Variants in DOCK1 observed in about 807,000 individuals in gnomAD.
DOCK1 encodes the protein dedicator of cytokinesis 1, also known as dedicator of cytokinesis protein 1.
A neutral mutation model predicts 262.7 loss-of-function variants in DOCK1; 138 were observed. The observed-to-expected ratio is 0.53, with a 90% CI of 0.46 to 0.61. DOCK1 has a LOEUF of 0.61. DOCK1 is among the 20% of genes least tolerant of loss of function. The probability of loss-of-function intolerance (pLI) is 0.00; values close to 1 mark genes in which losing one functional copy is unlikely to be tolerated. For synonymous variants in DOCK1, 866 were observed against 867.4 expected, an observed-to-expected ratio of 1.00 and a Z score of 0.03; for missense variants, 1,908 against 2,370.7, an observed-to-expected ratio of 0.80 and a Z score of 4.05.
At chr10:127,351,496 G>A (rs547424517) in intron 31 of DOCK1, among the ~76,000 whole-genome samples, 4 of 152,292 alleles carry the variant, frequency 2.6e-5, no homozygotes, top group Middle Eastern at 3.4e-3. Context: ...CTGGGGGTGC[G>A]TGCTGTGGGT....
At chr10:126,969,345 G>A (rs1461477502) in intron 1 of DOCK1, among the ~76,000 whole-genome samples, 1 of 152,198 alleles carries the variant, frequency 6.6e-6, no homozygotes, top group Non-Finnish European at 1.5e-5. Context: ...GAGGCTGCGT[G>A]CGCCTGAAAT....
At chr10:127,404,768 G>T (rs2067421964) in intron 40 of DOCK1, among the ~76,000 whole-genome samples, 2 of 152,096 alleles carry the variant, frequency 1.3e-5, no homozygotes, top group Non-Finnish European at 2.9e-5. Context: ...TCACGTTGTT[G>T]TGCGGCCAGC....
chr10:126,927,559 C>G (rs1338959275), intron 1 of DOCK1, among the ~76,000 whole-genome samples: 2 of 152,230 alleles, frequency 1.3e-5, no homozygotes, highest in East Asian at 3.9e-4. Context: ...GCCTCAGCCT[C>G]CCGAGTAGCT....
chr10:126,977,526 T>G (rs1291842689), intron 2 of DOCK1, among the ~76,000 whole-genome samples: 1 of 152,150 alleles, frequency 6.6e-6, no homozygotes, highest in Non-Finnish European at 1.5e-5. Context: ...TTTTCTGTTT[T>G]GGGGCAGCGA....
In DOCK1 at chr10:127,437,866, A is replaced by G. The variant is rs2069804269; in HGVS notation, c.5061-1161A>G. ...GTAAAAGAAACTAGAGCTAGGATGA[A>G]AATATGACTGGCTGGCTAAATTATC... On this transcript the variant is annotated intron_variant, in intron 48 of 51. Transcript: ENST00000623213. The surrounding 1 kb of genome is among the most constrained non-coding windows in gnomAD (Gnocchi z 4.4). Among the ~76,000 whole-genome samples, 1 of 152,216 alleles carries G rather than the reference A, an allele frequency of 6.6e-6. No homozygotes were observed. The highest frequency in any genetic ancestry group is 6.5e-5 in the Admixed American group (1 of 15,282).
At chr10:127,040,197 C>A (rs752142955) in intron 19 of DOCK1, among the ~76,000 whole-genome samples, 1 of 152,198 alleles carries the variant, frequency 6.6e-6, no homozygotes, top group Non-Finnish European at 1.5e-5. Flanking sequence ...TTTTGACCTT[C>A]GCAAAGAATC....
At chr10:126,972,710 CCT>C (rs1417181442) in intron 2 of DOCK1, among the ~76,000 whole-genome samples, 1 of 151,964 alleles carries the variant, frequency 6.6e-6, no homozygotes, top group Non-Finnish European at 1.5e-5. Context: ...CTGGTAGACT[CCT>C]CTGAGAAACA....
rs2049898359 is a variant in DOCK1, at chr10:127,125,586, G to A, written c.2736G>A (p.Leu912=). 4 of 1,613,744 alleles carry A rather than the reference G, an allele frequency of 2.5e-6. No homozygotes were observed. Among genetic ancestry groups the A allele is most frequent in the Non-Finnish European group, 3.4e-6 (4 of 1,179,840 alleles). Residue 912 remains leucine, a synonymous_variant, in exon 26 of 52, where the codon CTG becomes CTA. Transcript: ENST00000623213. The stretch of plus-strand genomic sequence containing the variant: ...TGCTCAGCCACATCCTGGAGGTGCT[G>A]TACAGGAAGGACGTGGTGAGTGTTG... ...CQLLSHILEV[L]YRKDVGPTQR...
intron 27 of DOCK1, among the ~76,000 whole-genome samples, chr10:127,146,815 C>T (rs748527221): frequency 7.2e-5 from 11 of 152,136 alleles, no homozygotes; most frequent in East Asian, 1.9e-4. Context: ...AAGTGGGCTC[C>T]GGACAGGCTG....
Position 127,182,886 on chromosome 10 carries a change from G to C in DOCK1, c.2847+55122G>C, listed in dbSNP as rs1260943381. Among the ~76,000 whole-genome samples, 3 of 152,162 alleles carry C rather than the reference G, an allele frequency of 2.0e-5. No homozygotes were observed. In the East Asian group the frequency reaches 5.8e-4, roughly 30 times the overall value. ...TAGCAGGTGTCCCACTGACCCTGGAGGCTTCCTGGTGATGAAGCAACAATC... is the reference window on the plus strand; with the variant it reads ...TAGCAGGTGTCCCACTGACCCTGGACGCTTCCTGGTGATGAAGCAACAATC... On this transcript the variant is annotated intron_variant, in intron 27 of 51. Coordinates refer to ENST00000623213, the MANE Select transcript of DOCK1 (RefSeq NM_001290223.2).
chr10:127,181,965 TC>T (rs2055777495), intron 27 of DOCK1, among the ~76,000 whole-genome samples: 1 of 152,190 alleles, frequency 6.6e-6, no homozygotes, highest in Non-Finnish European at 1.5e-5. Flanking sequence ...TGTTATTTTT[TC>T]CCTACATTTG....
chr10:127,114,751 T>C (rs1001244053), intron 25 of DOCK1, among the ~76,000 whole-genome samples: 4 of 119,840 alleles, frequency 3.3e-5, no homozygotes, highest in Non-Finnish European at 6.6e-5. Context: ...TGATCCTTTT[T>C]TTTCTTTCTT....
chr10:127,369,755 G>A (rs563424454), intron 33 of DOCK1, among the ~76,000 whole-genome samples: 4 of 152,330 alleles, frequency 2.6e-5, no homozygotes, highest in East Asian at 1.9e-4. Context: ...CTTGACGGAC[G>A]TAGGAGGATG....
chr10:127,059,540 C>T (rs1045321076), intron 22 of DOCK1, among the ~76,000 whole-genome samples: 8 of 152,140 alleles, frequency 5.3e-5, no homozygotes, highest in African/African-American at 1.9e-4. Flanking sequence ...TTCCATTTTA[C>T]TAATTCTGCC....
chr10:127,175,785 T>C lies in DOCK1; in HGVS notation c.2847+48021T>C, dbSNP rs901091271. On this transcript the variant is annotated intron_variant, in intron 27 of 51. Coordinates refer to ENST00000623213, the MANE Select transcript of DOCK1 (RefSeq NM_001290223.2). The surrounding 1 kb of genome is among the most constrained non-coding windows in gnomAD (Gnocchi z 6.3). ...GGAGTTTTGGAGCGCAGCTTCTCCA[T>C]AGCTGAGCGGCTCCGGGCTTTTACA... is the stretch of plus-strand genomic sequence containing the variant. 6.2e-6 allele frequency: 10 copies of C among 1,614,024 alleles called. No individual in the cohort carries two copies. The highest frequency in any genetic ancestry group is 1.3e-5 in the African/African-American group (1 of 74,930).
chr10:127,373,087 A>AC (rs961764122), intron 33 of DOCK1, among the ~76,000 whole-genome samples: 1 of 151,856 alleles, frequency 6.6e-6, no homozygotes, highest in African/African-American at 2.4e-5. Context: ...AGAGATTTCC[A>AC]CCCCCCAGAA....
At chr10:127,440,157 T>TGGGTGGG (rs1317930344) in intron 49 of DOCK1, among the ~76,000 whole-genome samples, 1 of 98,168 alleles carries the variant, frequency 1.0e-5, no homozygotes, top group Admixed American at 1.4e-4. Context: ...AAAGAGAGTA[T>TGGGTGGG]GGGTGGGGGG....
intron 27 of DOCK1, among the ~76,000 whole-genome samples, chr10:127,143,050 C>T (rs555844810): frequency 3.3e-5 from 5 of 152,296 alleles, no homozygotes; most frequent in African/African-American, 9.6e-5. Flanking sequence ...TTTTGCAGAG[C>T]GGCATCCTTC....
chr10:126,982,444 A>G (rs2039054488), intron 4 of DOCK1, among the ~76,000 whole-genome samples: 1 of 152,170 alleles, frequency 6.6e-6, no homozygotes, highest in South Asian at 2.1e-4. Flanking sequence ...AGGTCATAAA[A>G]CTGATGTATA....
Sources: allele counts gnomAD v4.1 joint callset (sites outside exome capture counted in the v4.1 genomes callset), GRCh38; gene constraint gnomAD v4.1.1; non-coding constraint Gnocchi (gnomAD v3.1); transcripts MANE v1.5; gene names NCBI Gene and HGNC (gene_info 2026-07-23, HGNC 2026-07-21).